The following CCSER1 variants were observed in gnomAD, a reference collection of about 807,000 sequenced individuals.
The protein encoded by CCSER1 is coiled-coil serine rich protein 1, also known as serine-rich coiled-coil domain-containing protein 1.
In CCSER1, 41 loss-of-function variants were observed where a neutral mutation model predicts 82.0. That is an observed-to-expected ratio of 0.50 (90% CI 0.39 to 0.65). The LOEUF (loss-of-function observed/expected upper bound fraction) is 0.65, where lower values mean the gene tolerates loss of function less well. Among genes scored for constraint, CCSER1 ranks in the 30% least tolerant of loss-of-function variants. The probability of loss-of-function intolerance (pLI) is 0.00; values close to 1 mark genes in which losing one functional copy is unlikely to be tolerated. For synonymous variants in CCSER1, 414 were observed against 383.9 expected (o/e 1.08, Z -0.92); for missense variants, 1,119 against 1,064.2 (o/e 1.05, Z -0.72).
At chr4:90,956,569 C>T (rs1308770834) in intron 9 of CCSER1, among the ~76,000 whole-genome samples, 1 of 151,856 alleles carries the variant, frequency 6.6e-6, no homozygotes, top group Non-Finnish European at 1.5e-5. Context: ...CTTCTGTTTC[C>T]TGGAAAGATG....
chr4:90,786,332 T>A (rs1251173080), intron 7 of CCSER1, among the ~76,000 whole-genome samples: 2 of 152,176 alleles, frequency 1.3e-5, no homozygotes, highest in African/African-American at 2.4e-5. Flanking sequence ...TGAATTTTCT[T>A]TTTTGGTCTG....
At chr4:91,070,103 G>A (rs186987361) in intron 9 of CCSER1, among the ~76,000 whole-genome samples, 1 of 151,504 alleles carries the variant, frequency 6.6e-6, no homozygotes, top group African/African-American at 2.4e-5. Context: ...TCCTGCCTCA[G>A]CCTCCCAAGT....
intron 1 of CCSER1, among the ~76,000 whole-genome samples, chr4:90,286,111 C>T (rs1729839328): frequency 6.6e-6 from 1 of 151,876 alleles, no homozygotes; most frequent in Admixed American, 6.6e-5. Context: ...TTTGTCATGT[C>T]ATTGTCTGGT....
At chr4:90,660,424 T>C (rs750823601) in intron 6 of CCSER1, among the ~76,000 whole-genome samples, 47 of 152,118 alleles carry the variant, frequency 3.1e-4, no homozygotes, top group Admixed American at 5.9e-4. Flanking sequence ...TGAAACAACT[T>C]AGTAACAGAA....
At chr4:91,511,489 TAACAGGGGGTCCCTA>T (rs138823415) in intron 10 of CCSER1, among the ~76,000 whole-genome samples, 11,994 of 152,162 alleles carry the variant, frequency 0.079, 590 homozygotes, top group South Asian at 0.18. Flanking sequence ...GTGTCATGTA[TAACAGGGGGTCCCTA>T]AACCCTGGGC....
chr4:90,141,990 C>T lies in CCSER1; in HGVS notation c.-42+14159C>T, dbSNP rs1724877939. Among the ~76,000 whole-genome samples the T allele has an allele frequency of 3.3e-5, 5 of 152,180 alleles. 1 individual carries two copies. The South Asian group carries it at 1.0e-3, about 32-fold the overall frequency. ...TGCCCAGAGAGCCATGACAAGTGGA[C>T]TGTCACGTTTTATTGATAGTCTTGC... On this transcript the variant is annotated intron_variant, in intron 1 of 10. Coordinates refer to ENST00000509176, the MANE Select transcript of CCSER1 (RefSeq NM_001145065.2).
At chr4:91,400,708 G>A (rs868397334) in intron 10 of CCSER1, among the ~76,000 whole-genome samples, 2 of 151,356 alleles carry the variant, frequency 1.3e-5, no homozygotes, top group Non-Finnish European at 2.9e-5. Context: ...ATTATCATCT[G>A]TATAGCATCC....
At chr4:90,745,997 G>C (rs1452581358) in intron 7 of CCSER1, among the ~76,000 whole-genome samples, 1 of 151,980 alleles carries the variant, frequency 6.6e-6, no homozygotes, top group Non-Finnish European at 1.5e-5. Flanking sequence ...ACCACGCCCG[G>C]CCTCTTTTAT....
chr4:90,197,861 T>C (rs570453209), intron 1 of CCSER1, among the ~76,000 whole-genome samples: 39 of 152,212 alleles, frequency 2.6e-4, no homozygotes, highest in African/African-American at 8.7e-4. Flanking sequence ...AGCCATACTA[T>C]TGACTATAGG....
At chr4:90,858,072 C>A (rs1049410463) in intron 8 of CCSER1, among the ~76,000 whole-genome samples, 2 of 152,044 alleles carry the variant, frequency 1.3e-5, no homozygotes, top group Middle Eastern at 3.4e-3. Flanking sequence ...CATCTAAATG[C>A]AGTGAAGTAC....
At position 90,546,043 on chromosome 4, in the gene CCSER1, G is replaced by A. The variant is rs75954297; in HGVS notation, c.1724+77689G>A. On this transcript the variant is annotated intron_variant, in intron 5 of 10. Coordinates refer to ENST00000509176, the MANE Select transcript of CCSER1 (RefSeq NM_001145065.2). ...TAGTTTGTCCCTTATGGCATCAGAT[G>A]TGAGTTTCAAGGGCTGCCTTTTATG... is the stretch of plus-strand genomic sequence containing the variant. Among the ~76,000 whole-genome samples the A allele has an allele frequency of 7.6e-3, 1,162 of 152,240 alleles. 13 individuals are homozygous for A. Among genetic ancestry groups the A allele is most frequent in the Non-Finnish European group, 8.4e-3 (573 of 67,980 alleles).
intron 5 of CCSER1, among the ~76,000 whole-genome samples, chr4:90,536,001 T>C (rs887101834): frequency 2.0e-5 from 3 of 151,748 alleles, no homozygotes; most frequent in African/African-American, 7.3e-5. Context: ...TAGAATGTGT[T>C]GACACTAATA....
At chr4:90,937,542 G>A (rs1292548749) in intron 9 of CCSER1, among the ~76,000 whole-genome samples, 1 of 149,118 alleles carries the variant, frequency 6.7e-6, no homozygotes, top group Admixed American at 6.7e-5. Flanking sequence ...GGCATATAGG[G>A]TAGAATCCAC....
At chr4:91,321,825 C>G (rs183846855) in intron 10 of CCSER1, among the ~76,000 whole-genome samples, 1 of 151,938 alleles carries the variant, frequency 6.6e-6, no homozygotes, top group African/African-American at 2.4e-5. Context: ...TCCAAGCTCC[C>G]TTCGATCATT....
chr4:90,794,282 T>G (rs1369952774), intron 7 of CCSER1, among the ~76,000 whole-genome samples: 1 of 152,196 alleles, frequency 6.6e-6, no homozygotes, highest in East Asian at 1.9e-4. Context: ...CTTCCATGGC[T>G]TTTATAGTTT....
chr4:90,280,088 G>A (rs756395495), intron 1 of CCSER1, among the ~76,000 whole-genome samples: 5 of 151,824 alleles, frequency 3.3e-5, no homozygotes, highest in Non-Finnish European at 5.9e-5. Context: ...AAGTTATGAG[G>A]AGTTTGTTGA....
At chr4:91,065,138 A>C (rs1028978561) in intron 9 of CCSER1, among the ~76,000 whole-genome samples, 2 of 152,124 alleles carry the variant, frequency 1.3e-5, no homozygotes, top group Non-Finnish European at 2.9e-5. Flanking sequence ...GCTTTAATAC[A>C]TGTCCAAAGG....
At chr4:90,445,976 A>G (rs1326828986) in intron 4 of CCSER1, among the ~76,000 whole-genome samples, 2 of 152,196 alleles carry the variant, frequency 1.3e-5, no homozygotes, top group African/African-American at 4.8e-5. Flanking sequence ...TGAAATACCA[A>G]CAACTTGTCT....
chr4:90,450,023 C>T (rs371872523), intron 4 of CCSER1, among the ~76,000 whole-genome samples: 30 of 152,332 alleles, frequency 2.0e-4, no homozygotes, highest in East Asian at 1.5e-3. Flanking sequence ...TGCTATCAAT[C>T]CCCCTTCTGA....
Sources: gnomAD v4.1 joint callset for allele counts (sites outside exome capture counted in the v4.1 genomes callset) on GRCh38, gnomAD v4.1.1 for gene constraint, MANE v1.5 for transcripts, NCBI Gene and HGNC (gene_info 2026-07-23, HGNC 2026-07-21) for gene names.